The following ENTPD7 variants were observed in gnomAD, a reference collection of about 807,000 sequenced individuals.
ENTPD7 encodes the protein NTPDase 7.
In ENTPD7, 53 loss-of-function variants were observed where a neutral mutation model predicts 77.9. The observed-to-expected ratio is 0.68, with a 90% CI of 0.55 to 0.85. ENTPD7 has a LOEUF of 0.85. Ranked by LOEUF, ENTPD7 falls within the 40% of genes least tolerant of loss-of-function variation. The pLI is 0.00. For missense variants in ENTPD7, 636 were observed against 743.7 expected (o/e 0.86, Z 1.68); for synonymous variants, 248 against 274.9 (o/e 0.90, Z 0.97).
chr10:99,690,753 G>A (rs1340802593), intron 7 of ENTPD7, among the ~76,000 whole-genome samples: 1 of 151,740 alleles, frequency 6.6e-6, no homozygotes, highest in African/African-American at 2.4e-5. Context: ...TGTTGGTCAG[G>A]CTGGTCTCGA....
chr10:99,704,607 C>T lies in ENTPD7; in HGVS notation c.1739C>T (p.Thr580Ile). The change falls in exon 13 of 13, where the codon ACA (threonine) becomes ATA (isoleucine). Residue 580 changes from threonine (T) to isoleucine (I), a missense_variant. Thr to Ile is a moderately conservative substitution (Grantham distance 89). This residue lies in a region of ENTPD7 where 138 missense variants were observed against 150.9 expected (regional missense o/e 0.91). Coordinates refer to ENST00000370489, the MANE Select transcript of ENTPD7 (RefSeq NM_020354.5). ...LRLRRIHHRQTRASAPLDLLW... is the reference protein window; with the variant it reads ...LRLRRIHHRQIRASAPLDLLW... ...CTACGCCGAATTCACCACCGACAAA[C>T]ACGAGCCTCAGCTCCATTGGACTTG... The T allele has an allele frequency of 6.2e-7, 1 of 1,614,184 alleles. No homozygotes were observed. The highest frequency in any genetic ancestry group is 8.5e-7 in the Non-Finnish European group (1 of 1,180,042).
In ENTPD7 at chr10:99,710,447, T is replaced by C; in HGVS notation, c.*5764T>C. The stretch of plus-strand genomic sequence containing the variant: ...AGTGAAAGACATCTTTTTATTATGA[T>C]CTACACTTTAAAAAACCAAAGGCTG... On this transcript the variant is annotated 3_prime_UTR_variant, in exon 13 of 13. Transcript: ENST00000370489. 1.0e-6 allele frequency: 1 copy of C among 985,350 alleles called. No homozygotes were observed. Among genetic ancestry groups the C allele is most frequent in the Non-Finnish European group, 1.2e-6 (1 of 829,910 alleles). The allele number at this position is 985,350 out of a possible 1,614,324, so 61.0% of individuals were successfully genotyped here.
chr10:99,671,585 G>A (rs569893516), intron 3 of ENTPD7, among the ~76,000 whole-genome samples: 2 of 152,266 alleles, frequency 1.3e-5, no homozygotes, highest in South Asian at 2.1e-4. Context: ...TGACTGAAAC[G>A]TCATTATGCA....
intron 6 of ENTPD7, among the ~76,000 whole-genome samples, chr10:99,686,477 A>G (rs1443061812): frequency 1.3e-5 from 2 of 152,184 alleles, no homozygotes; most frequent in Non-Finnish European, 2.9e-5. Context: ...GGAGATTTAT[A>G]TGTCTTCTAA....
chr10:99,686,461 CGAGAAG>C (rs531529016), intron 6 of ENTPD7, among the ~76,000 whole-genome samples: 140 of 152,176 alleles, frequency 9.2e-4, no homozygotes, highest in African/African-American at 3.2e-3. Context: ...TTCTTATAAA[CGAGAAG>C]GAGATTTATA....
At chr10:99,690,003 T>C (rs2035860282) in intron 7 of ENTPD7, among the ~76,000 whole-genome samples, 1 of 152,134 alleles carries the variant, frequency 6.6e-6, no homozygotes, top group South Asian at 2.1e-4. Flanking sequence ...AGGTAACCAG[T>C]GAAAAAAAAG....
At chr10:99,694,265 T>G (rs1057167880) in intron 8 of ENTPD7, among the ~76,000 whole-genome samples, 3 of 152,210 alleles carry the variant, frequency 2.0e-5, no homozygotes, top group Non-Finnish European at 4.4e-5. Flanking sequence ...ATTCCGGACA[T>G]TTTGTATAAA....
chr10:99,711,046 A>G lies in ENTPD7; in HGVS notation c.*6363A>G. On this transcript the variant is annotated 3_prime_UTR_variant, in exon 13 of 13. Coordinates refer to ENST00000370489, the MANE Select transcript of ENTPD7 (RefSeq NM_020354.5). ...GTAATTATCCATTTTCCATTCATGCATTCACTAATTCAATATTTGATATGT... is the reference window on the plus strand; with the variant it reads ...GTAATTATCCATTTTCCATTCATGCGTTCACTAATTCAATATTTGATATGT... 1.0e-6 allele frequency: 1 copy of G among 985,336 alleles called. No individual in the cohort carries two copies. The highest frequency in any genetic ancestry group is 1.2e-6 in the Non-Finnish European group (1 of 829,870). The allele number at this position is 985,336 out of a possible 1,614,324, so 61.0% of individuals were successfully genotyped here.
intron 3 of ENTPD7, among the ~76,000 whole-genome samples, chr10:99,673,723 A>G (rs2035645322): frequency 6.6e-6 from 1 of 152,234 alleles, no homozygotes; most frequent in African/African-American, 2.4e-5. Context: ...ATAACAAGAT[A>G]CTTTATTTGG....
intron 3 of ENTPD7, among the ~76,000 whole-genome samples, chr10:99,671,020 A>T (rs1011831505): frequency 4.0e-5 from 6 of 151,520 alleles, no homozygotes; most frequent in Admixed American, 2.0e-4. Flanking sequence ...CCTGTCTCAA[A>T]AATAATAATA....
rs890194881 is a variant in ENTPD7 at position 99,678,284 on chromosome 10, C to T, written c.192-977C>T. Among the ~76,000 whole-genome samples, 14 of 150,522 alleles carry T rather than the reference C, an allele frequency of 9.3e-5. No homozygotes were observed. In the East Asian group the frequency reaches 2.0e-3, roughly 21 times the overall value. On this transcript the variant is annotated intron_variant, in intron 3 of 12. Coordinates refer to ENST00000370489, the MANE Select transcript of ENTPD7 (RefSeq NM_020354.5). ...GAGATCGAGACCATCCTGGCTAACA[C>T]GGTGAAACCCCGTCTCTACTAAAAA... is the stretch of plus-strand genomic sequence containing the variant.
chr10:99,698,716 C>T lies in ENTPD7; in HGVS notation c.1193C>T (p.Ala398Val). The T allele has an allele frequency of 6.2e-7, 1 of 1,614,218 alleles. No homozygotes were observed. The highest frequency in any genetic ancestry group is 8.5e-7 in the Non-Finnish European group (1 of 1,180,046). Residue 398 changes from alanine to valine, a missense_variant, in exon 10 of 13, where the codon GCC becomes GTC. Physicochemically the swap from Ala to Val is moderately conservative, Grantham distance 64. Coordinates refer to ENST00000370489, the MANE Select transcript of ENTPD7 (RefSeq NM_020354.5). ...PLLARSNTSQASLNGIYQSPI... is the reference protein window; with the variant it reads ...PLLARSNTSQVSLNGIYQSPI... ...CTGGCTCGCTCCAACACCAGCCAGG[C>T]CTCACTCAATGGCATATATCAATCG...
rs576763601 is a variant in ENTPD7 at position 99,677,598 on chromosome 10, C to T, written c.192-1663C>T. On this transcript the variant is annotated intron_variant, in intron 3 of 12. Transcript: ENST00000370489. The stretch of plus-strand genomic sequence containing the variant: ...CAGGCTGGTCTCGAATTCCTGATCT[C>T]AGGTGATCTGCCCACCTCAGCCTCC... Among the ~76,000 whole-genome samples the T allele has an allele frequency of 2.0e-5, 3 of 152,276 alleles. No individual in the cohort carries two copies. The South Asian group carries it at 6.2e-4, about 32-fold the overall frequency.
intron 5 of ENTPD7, among the ~76,000 whole-genome samples, chr10:99,683,873 A>G (rs1337310300): frequency 3.3e-5 from 5 of 152,136 alleles, no homozygotes; most frequent in African/African-American, 1.2e-4. Flanking sequence ...CCAGTTTTTC[A>G]TTGTTATAAA....
chr10:99,667,644 TAC>T (rs1023365929), intron 3 of ENTPD7, among the ~76,000 whole-genome samples: 1 of 152,244 alleles, frequency 6.6e-6, no homozygotes, highest in African/African-American at 2.4e-5. Flanking sequence ...GCTTTTATTT[TAC>T]ACACTGTTCT....
At chr10:99,685,566 G>C (rs183112200) in intron 5 of ENTPD7, among the ~76,000 whole-genome samples, 4 of 152,120 alleles carry the variant, frequency 2.6e-5, no homozygotes, top group African/African-American at 9.6e-5. Context: ...TCATATAAGG[G>C]GAAAGTATTA....
chr10:99,686,581 CTA>C (rs931674006), intron 6 of ENTPD7, among the ~76,000 whole-genome samples: 1 of 151,932 alleles, frequency 6.6e-6, no homozygotes, highest in Non-Finnish European at 1.5e-5. Context: ...TCTTAATATT[CTA>C]TTTCTTTTCT....
At position 99,710,645 on chromosome 10, in the gene ENTPD7, T is replaced by C. The variant is rs537943594; in HGVS notation, c.*5962T>C. The C allele has an allele frequency of 1.1e-4, 110 of 985,362 alleles. No homozygotes were observed. Among genetic ancestry groups the C allele is most frequent in the Non-Finnish European group, 1.3e-4 (109 of 829,846 alleles). The allele number at this position is 985,362 out of a possible 1,614,324, so 61.0% of individuals were successfully genotyped here. Reference sequence around the variant, plus strand: ...TAGAGAGGTGATGCATTCTCCCTTATGCAGGGACATGGGTATATGTGTTAC... The same window carrying C: ...TAGAGAGGTGATGCATTCTCCCTTACGCAGGGACATGGGTATATGTGTTAC... On this transcript the variant is annotated 3_prime_UTR_variant, in exon 13 of 13. Transcript: ENST00000370489.
rs919375258 is a variant in ENTPD7 at position 99,705,319 on chromosome 10, C to G, written c.*636C>G. ...TAGTACATGATTTTAAAGGTTAGAA[C>G]CCCTTCTAAATGAATGGTCTGTGGA... On this transcript the variant is annotated 3_prime_UTR_variant, in exon 13 of 13. Transcript: ENST00000370489. 3 of 153,242 alleles carry G rather than the reference C, an allele frequency of 2.0e-5. No homozygotes were observed. Among genetic ancestry groups the G allele is most frequent in the Admixed American group, 6.5e-5 (1 of 15,402 alleles). 9.5% of individuals were successfully genotyped at this position (153,242 alleles called of 1,614,324 possible). A position where few individuals can be genotyped will look rare whatever the true frequency, so the allele number is the denominator to read the frequency against.
Sources: allele counts gnomAD v4.1 joint callset (sites outside exome capture counted in the v4.1 genomes callset), GRCh38; gene constraint gnomAD v4.1.1; regional missense constraint gnomAD v4.1.1; transcripts MANE v1.5; gene names NCBI Gene and HGNC (gene_info 2026-07-23, HGNC 2026-07-21).